Variants in INSYN2A observed in about 807,000 individuals in gnomAD.
The protein encoded by INSYN2A is family with sequence similarity 196 member A.
In INSYN2A, 17 loss-of-function variants were observed where a neutral mutation model predicts 39.4. The ratio of observed to expected loss-of-function variants is 0.43; its 90% confidence interval spans 0.30 to 0.65. INSYN2A has a LOEUF of 0.65. Ranked by LOEUF, INSYN2A falls within the 30% of genes least tolerant of loss-of-function variation. The pLI is 0.14. For synonymous variants in INSYN2A, 255 were observed against 265.7 expected (o/e 0.96, Z 0.39); for missense variants, 595 against 631.2 (o/e 0.94, Z 0.61).
chr10:127,176,198 C>T lies in INSYN2A; in HGVS notation c.198G>A (p.Ser66=), dbSNP rs757802603. The T allele has an allele frequency of 5.6e-6, 9 of 1,614,068 alleles. No individual in the cohort carries two copies. The highest frequency in any genetic ancestry group is 3.3e-5 in the South Asian group (3 of 91,076). ...CCTCCCGCTTCTCCCCCAGCTGGCCCGAGGACAGCTGTGTGTCCCTCTGCT... is the reference window on the plus strand; with the variant it reads ...CCTCCCGCTTCTCCCCCAGCTGGCCTGAGGACAGCTGTGTGTCCCTCTGCT... ...QNEQRDTQLS[S]GQLGEKREAK... Residue 66 remains serine, a synonymous_variant, in exon 4 of 6, where the codon TCG becomes TCA. Transcript: ENST00000522781. This position sits in a 1 kb window ranked among gnomAD's most constrained non-coding sequence, Gnocchi z 4.4.
rs556580150 is a variant in INSYN2A at position 127,175,021 on chromosome 10, G to A, written c.1184+191C>T. 5.3e-5 allele frequency among the ~76,000 whole-genome samples: 8 copies of A among 152,128 alleles called. No homozygotes were observed. Among genetic ancestry groups the A allele is most frequent in the African/African-American group, 1.2e-4 (5 of 41,426 alleles). ...ATGAACATTAACCAGAAAGCGTATC[G>A]TGCAGGATGCAGTGACGTCTAGTAT... On this transcript the variant is annotated intron_variant, in intron 4 of 5. Coordinates refer to ENST00000522781, the MANE Select transcript of INSYN2A (RefSeq NM_001039762.3). This position sits in a 1 kb window ranked among gnomAD's most constrained non-coding sequence, Gnocchi z 6.3.
At position 127,159,717 on chromosome 10, in the gene INSYN2A, G is replaced by A. The variant is rs1408726101; in HGVS notation, c.1185-5794C>T. Among the ~76,000 whole-genome samples, 4 of 152,198 alleles carry A rather than the reference G, an allele frequency of 2.6e-5. No individual in the cohort carries two copies. In the East Asian group the frequency reaches 7.7e-4, roughly 29 times the overall value. ...GACCGTTGGCAAAAGAGGGCATCAC[G>A]GGTAGACATTTGAAAAGAAACAAAG... On this transcript the variant is annotated intron_variant, in intron 4 of 5. Coordinates refer to ENST00000522781, the MANE Select transcript of INSYN2A (RefSeq NM_001039762.3).
At chr10:127,194,117 A>G (rs1564891027) in intron 1 of INSYN2A, among the ~76,000 whole-genome samples, 1 of 152,258 alleles carries the variant, frequency 6.6e-6, no homozygotes. Context: ...TAGCTAAAGA[A>G]ATTAAACTGA....
intron 2 of INSYN2A, among the ~76,000 whole-genome samples, chr10:127,190,997 C>G (rs1336724472): frequency 2.0e-5 from 3 of 152,088 alleles, no homozygotes; most frequent in Middle Eastern, 3.2e-3. Context: ...CCTGCTGGTT[C>G]CTCCTCAAAC....
intron 4 of INSYN2A, among the ~76,000 whole-genome samples, chr10:127,157,573 A>C (rs1008032037): frequency 1.3e-5 from 2 of 152,084 alleles, no homozygotes; most frequent in East Asian, 3.9e-4. Flanking sequence ...AGCCCAATTC[A>C]CCAATTCCTG....
rs1159808053 is a variant in INSYN2A at position 127,196,280 on chromosome 10, C to T, written c.-678G>A. 2 of 148,982 alleles carry T rather than the reference C, an allele frequency of 1.3e-5. No homozygotes were observed. Among genetic ancestry groups the T allele is most frequent in the African/African-American group, 4.9e-5 (2 of 41,060 alleles). The allele number at this position is 148,982 out of a possible 1,614,324, so 9.2% of individuals were successfully genotyped here. A position where few individuals can be genotyped will look rare whatever the true frequency, so the allele number is the denominator to read the frequency against. The stretch of plus-strand genomic sequence containing the variant: ...CCCTCCGGCCCCGCTTAGCGACGCG[C>T]GCGGGGAGGCAGCGGCTGGGCCAGC... On this transcript the variant is annotated 5_prime_UTR_variant, in exon 1 of 6. Coordinates refer to ENST00000522781, the MANE Select transcript of INSYN2A (RefSeq NM_001039762.3).
chr10:127,148,366 C>T (rs1340999294), intron 5 of INSYN2A, among the ~76,000 whole-genome samples: 2 of 152,190 alleles, frequency 1.3e-5, no homozygotes, highest in South Asian at 2.1e-4. Context: ...CGAGAAGATT[C>T]TAAATTCTGG....
At chr10:127,184,538 C>T (rs1489673306) in intron 2 of INSYN2A, among the ~76,000 whole-genome samples, 5 of 148,870 alleles carry the variant, frequency 3.4e-5, no homozygotes, top group Admixed American at 6.7e-5. Flanking sequence ...GTGCACACGT[C>T]GCTTCTCTGT....
chr10:127,167,600 G>T (rs1236145527), intron 4 of INSYN2A, among the ~76,000 whole-genome samples: 1 of 152,014 alleles, frequency 6.6e-6, no homozygotes, highest in Non-Finnish European at 1.5e-5. Flanking sequence ...GAGCAGAAAG[G>T]AGCCTCTAGG....
In INSYN2A at chr10:127,175,440, C is replaced by G. The variant is rs377729347; in HGVS notation, c.956G>C (p.Ser319Thr). 6.2e-6 allele frequency: 10 copies of G among 1,612,476 alleles called. No individual in the cohort carries two copies. In the East Asian group the frequency reaches 2.2e-4, roughly 36 times the overall value. ...PPMQCLSPEC[S>T]EQPSQTHTPP... Reference sequence around the variant, plus strand: ...GGTGTGAGTCTGCGACGGCTGCTCACTACATTCGGGGGACAGGCACTGCAT... The same window carrying G: ...GGTGTGAGTCTGCGACGGCTGCTCAGTACATTCGGGGGACAGGCACTGCAT... Residue 319 changes from serine (S) to threonine (T), a missense_variant, in exon 4 of 6, where the codon AGT (serine) becomes ACT (threonine). Around this residue, in one of 2 missense-constraint regions of INSYN2A, gnomAD observed 478 missense variants for 467.4 expected, o/e 1.02. Transcript: ENST00000522781. This position sits in a 1 kb window ranked among gnomAD's most constrained non-coding sequence, Gnocchi z 6.3.
rs530832718 is a variant in INSYN2A, at chr10:127,163,678, A to C, written c.1185-9755T>G. Among the ~76,000 whole-genome samples, 177 of 152,158 alleles carry C rather than the reference A, an allele frequency of 1.2e-3. 1 individual carries two copies. The highest frequency in any genetic ancestry group is 2.1e-3 in the Non-Finnish European group (146 of 68,010). On this transcript the variant is annotated intron_variant, in intron 4 of 5. Coordinates refer to ENST00000522781, the MANE Select transcript of INSYN2A (RefSeq NM_001039762.3). ...TAGTATTCATATTAGCCCATTTTAA[A>C]TTTCCTCAAACAAGTAGAAAAAAGA...
chr10:127,146,684 C>T (rs2051889884), intron 5 of INSYN2A, among the ~76,000 whole-genome samples: 1 of 152,184 alleles, frequency 6.6e-6, no homozygotes, highest in East Asian at 1.9e-4. Context: ...TTTCCCCCAC[C>T]TCAGTTCATG....
chr10:127,138,759 C>T (rs1013351846), intron 5 of INSYN2A, among the ~76,000 whole-genome samples: 5 of 152,198 alleles, frequency 3.3e-5, no homozygotes, highest in African/African-American at 1.2e-4. Flanking sequence ...ATTTGCCAAG[C>T]AGTGATAATG....
intron 2 of INSYN2A, among the ~76,000 whole-genome samples, chr10:127,188,039 T>C (rs1036315477): frequency 1.3e-5 from 2 of 152,200 alleles, no homozygotes; most frequent in East Asian, 1.9e-4. Context: ...AAATATTGAC[T>C]GAACGAAGGG....
At chr10:127,146,957 A>G (rs1254101442) in intron 5 of INSYN2A, among the ~76,000 whole-genome samples, 1 of 152,066 alleles carries the variant, frequency 6.6e-6, no homozygotes, top group Non-Finnish European at 1.5e-5. Flanking sequence ...TTTGCAATAC[A>G]CTCGGAATCA....
At position 127,137,310 on chromosome 10, in the gene INSYN2A, C is replaced by T. The variant is rs1337389206; in HGVS notation, c.*527G>A. 1 of 153,172 alleles carries T rather than the reference C, an allele frequency of 6.5e-6. No homozygotes were observed. Among genetic ancestry groups the T allele is most frequent in the Non-Finnish European group, 1.5e-5 (1 of 68,494 alleles). 9.5% of individuals were successfully genotyped at this position (153,172 alleles called of 1,614,324 possible). A position where few individuals can be genotyped will look rare whatever the true frequency, so the allele number is the denominator to read the frequency against. ...TCACATTTTAGAGATTATTCATGGT[C>T]TCCGACCACTTGAAAAAATTGTGCT... On this transcript the variant is annotated 3_prime_UTR_variant, in exon 6 of 6. Coordinates refer to ENST00000522781, the MANE Select transcript of INSYN2A (RefSeq NM_001039762.3).
chr10:127,189,841 C>A (rs1403543449), intron 2 of INSYN2A, among the ~76,000 whole-genome samples: 1 of 152,172 alleles, frequency 6.6e-6, no homozygotes, highest in Admixed American at 6.5e-5. Context: ...CAAAAATAAT[C>A]TTTATGCAGC....
In INSYN2A at chr10:127,175,697, C is replaced by A. The variant is rs201163273; in HGVS notation, c.699G>T (p.Gly233=). Residue 233 remains glycine (G), a synonymous_variant, in exon 4 of 6, where the codon GGG becomes GGT. Coordinates refer to ENST00000522781, the MANE Select transcript of INSYN2A (RefSeq NM_001039762.3). This position sits in a 1 kb window ranked among gnomAD's most constrained non-coding sequence, Gnocchi z 6.3. ...QLLGRAKQDR[G]RPNSEEPAPP... ...GAGCGGGCTCCTCGGAGTTTGGCCT[C>A]CCCCGGTCCTGCTTGGCCCTCCCGA... 1 of 1,613,624 alleles carries A rather than the reference C, an allele frequency of 6.2e-7. No individual in the cohort carries two copies. Among genetic ancestry groups the A allele is most frequent in the African/African-American group, 1.3e-5 (1 of 74,904 alleles).
intron 4 of INSYN2A, among the ~76,000 whole-genome samples, chr10:127,167,227 A>G (rs929614154): frequency 3.3e-5 from 5 of 152,186 alleles, no homozygotes; most frequent in Admixed American, 2.0e-4. Context: ...TGTGCTTCCC[A>G]TTTCAAAATT....
Sources: allele counts gnomAD v4.1 joint callset (sites outside exome capture counted in the v4.1 genomes callset), GRCh38; gene constraint gnomAD v4.1.1; regional missense constraint gnomAD v4.1.1; non-coding constraint Gnocchi (gnomAD v3.1); transcripts MANE v1.5; gene names NCBI Gene and HGNC (gene_info 2026-07-23, HGNC 2026-07-21).